PCDHGA5: variants seen among roughly 807,000 people sequenced by gnomAD.
PCDHGA5 encodes protocadherin gamma-A5.
In PCDHGA5, 36 loss-of-function variants were observed where a neutral mutation model predicts 56.7. That is an observed-to-expected ratio of 0.64 (90% CI 0.49 to 0.84). The LOEUF is 0.84. PCDHGA5 is among the 40% of genes least tolerant of loss of function. The pLI, the probability that PCDHGA5 is intolerant of heterozygous loss-of-function variation, is 0.00. For missense variants in PCDHGA5, 1,305 were observed against 1,201.5 expected, an observed-to-expected ratio of 1.09 and a Z score of -1.27; for synonymous variants, 563 against 520.2, an observed-to-expected ratio of 1.08 and a Z score of -1.12.
At chr5:141,386,334 G>A (rs1220929803) in intron 1 of PCDHGA5, among the ~76,000 whole-genome samples, 1 of 152,008 alleles carries the variant, frequency 6.6e-6, no homozygotes, top group Non-Finnish European at 1.5e-5. Context: ...ATCCAGAAGG[G>A]GTGGATGACA....
At position 141,487,636 on chromosome 5, in the gene PCDHGA5, A is replaced by G. The variant is rs780468230; in HGVS notation, c.2422-7171A>G. 3 of 1,614,192 alleles carry G rather than the reference A, an allele frequency of 1.9e-6. No homozygotes were observed. Among genetic ancestry groups the G allele is most frequent in the Non-Finnish European group, 1.7e-6 (2 of 1,180,030 alleles). Reference sequence around the variant, plus strand: ...TAGAGGTGAGACCTTTGCAGGCTCAACAAATGCTTGAGGGTTATTCTGATC... The same window carrying G: ...TAGAGGTGAGACCTTTGCAGGCTCAGCAAATGCTTGAGGGTTATTCTGATC... On this transcript the variant is annotated intron_variant, in intron 1 of 3. Transcript: ENST00000518069. This position sits in a 1 kb window ranked among gnomAD's most constrained non-coding sequence, Gnocchi z 5.0.
intron 1 of PCDHGA5, chr5:141,399,007 A>G (rs1403288140): frequency 6.2e-7 from 1 of 1,613,948 alleles, no homozygotes. Flanking sequence ...GAATTCAAAG[A>G]GCGGAGAAAT....
At chr5:141,434,392 C>T (rs906051301) in intron 1 of PCDHGA5, among the ~76,000 whole-genome samples, 4 of 152,210 alleles carry the variant, frequency 2.6e-5, no homozygotes, top group African/African-American at 9.6e-5. Context: ...TGGCCATAAA[C>T]AAAATCTCTG....
Position 141,491,436 on chromosome 5 carries a change from G to A in PCDHGA5, c.2422-3371G>A, listed in dbSNP as rs771884610. ...ACGGGGGTGGAGGGCAGTGCTGCAG[G>A]CGCCAGGACTCACCCTCCCCGGACT... On this transcript the variant is annotated intron_variant, in intron 1 of 3. Coordinates refer to ENST00000518069, the MANE Select transcript of PCDHGA5 (RefSeq NM_018918.3). This position sits in a 1 kb window ranked among gnomAD's most constrained non-coding sequence, Gnocchi z 6.9. 1 of 1,614,070 alleles carries A rather than the reference G, an allele frequency of 6.2e-7. No individual in the cohort carries two copies. The highest frequency in any genetic ancestry group is 8.5e-7 in the Non-Finnish European group (1 of 1,180,034).
chr5:141,376,437 A>C (rs375879976), intron 1 of PCDHGA5: 1 of 1,614,086 alleles, frequency 6.2e-7, no homozygotes, highest in South Asian at 1.1e-5. Flanking sequence ...CAGGAGAGCT[A>C]TGAGAAAAGC....
intron 1 of PCDHGA5, chr5:141,492,007 C>T (rs1261430567): frequency 3.0e-5 from 19 of 628,956 alleles, no homozygotes; most frequent in Non-Finnish European, 4.6e-5. Flanking sequence ...GCGATTTCCG[C>T]GGGTGTCGGG....
At position 141,419,770 on chromosome 5, in the gene PCDHGA5, G is replaced by A. The variant is rs1018272442; in HGVS notation, c.2421+53019G>A. On this transcript the variant is annotated intron_variant, in intron 1 of 3. Coordinates refer to ENST00000518069, the MANE Select transcript of PCDHGA5 (RefSeq NM_018918.3). ...TGCGTGCTTTGGGTGACAAGGACTC[G>A]GTCCGCCAGCGCCTGCTAGTCGCTG... 3.7e-6 allele frequency: 6 copies of A among 1,614,006 alleles called. No individual in the cohort carries two copies. The Admixed American group carries it at 6.7e-5, about 18-fold the overall frequency.
intron 1 of PCDHGA5, chr5:141,389,952 C>T (rs2091983675): frequency 3.1e-6 from 5 of 1,613,946 alleles, no homozygotes; most frequent in Non-Finnish European, 4.2e-6. Context: ...GCAGTTTTAC[C>T]TAGTGGTGGC....
In PCDHGA5 at chr5:141,486,047, C is replaced by T. The variant is rs763394605; in HGVS notation, c.2422-8760C>T. Reference sequence around the variant, plus strand: ...TCATACCCCTGATCGTGTAAGAAACCTCTTTAGCCTGCACCCCACTACTGG... The same window carrying T: ...TCATACCCCTGATCGTGTAAGAAACTTCTTTAGCCTGCACCCCACTACTGG... On this transcript the variant is annotated intron_variant, in intron 1 of 3. Transcript: ENST00000518069. The surrounding 1 kb of genome is among the most constrained non-coding windows in gnomAD (Gnocchi z 5.0). 2.5e-6 allele frequency: 4 copies of T among 1,614,054 alleles called. No individual in the cohort carries two copies. The African/African-American group carries it at 5.3e-5, about 22-fold the overall frequency.
At chr5:141,376,670 G>A in intron 1 of PCDHGA5, 1 of 694,802 alleles carries the variant, frequency 1.4e-6, no homozygotes, top group Non-Finnish European at 2.2e-6. Context: ...TTCAGGTGAG[G>A]GTATCGTTTT....
In PCDHGA5 at chr5:141,374,330, A is replaced by G. The variant is rs774789215; in HGVS notation, c.2421+7579A>G. Reference sequence around the variant, plus strand: ...TTTCTCTCTGAATCCGCGAAACGGCAGCTTGGTCACCGCGGGTAGGATAGA... The same window carrying G: ...TTTCTCTCTGAATCCGCGAAACGGCGGCTTGGTCACCGCGGGTAGGATAGA... On this transcript the variant is annotated intron_variant, in intron 1 of 3. Coordinates refer to ENST00000518069, the MANE Select transcript of PCDHGA5 (RefSeq NM_018918.3). 138 of 1,613,872 alleles carry G rather than the reference A, an allele frequency of 8.6e-5. No homozygotes were observed. Among genetic ancestry groups the G allele is most frequent in the Non-Finnish European group, 1.1e-4 (130 of 1,179,866 alleles).
At chr5:141,388,993 G>A (rs778336882) in intron 1 of PCDHGA5, 1 of 1,614,026 alleles carries the variant, frequency 6.2e-7, no homozygotes, top group South Asian at 1.1e-5. Flanking sequence ...CTCAAAGTCC[G>A]TGACAAGGAT....
At chr5:141,394,785 G>C in intron 1 of PCDHGA5, 2 of 1,613,722 alleles carry the variant, frequency 1.2e-6, no homozygotes, top group South Asian at 2.2e-5. Flanking sequence ...CTCCGCCACT[G>C]TCACGCTCAC....
intron 1 of PCDHGA5, chr5:141,384,771 C>A (rs568102289): frequency 1.2e-6 from 2 of 1,613,878 alleles, no homozygotes; most frequent in Non-Finnish European, 1.7e-6. Flanking sequence ...TGTACACGGG[C>A]GAGGTGCGCA....
rs771867567 is a variant in PCDHGA5 at position 141,419,867 on chromosome 5, G to A, written c.2421+53116G>A. 3.1e-6 allele frequency: 5 copies of A among 1,614,086 alleles called. No homozygotes were observed. In the South Asian group the frequency reaches 5.5e-5, roughly 18 times the overall value. On this transcript the variant is annotated intron_variant, in intron 1 of 3. Transcript: ENST00000518069. Reference sequence around the variant, plus strand: ...CCTGGTGTTCGCAGATAGCTTGCAAGAGGTACTGCCGGATTTCAGCGACCA... The same window carrying A: ...CCTGGTGTTCGCAGATAGCTTGCAAAAGGTACTGCCGGATTTCAGCGACCA...
Position 141,431,228 on chromosome 5 carries a change from GC to G in PCDHGA5, c.2422-63577del. The G allele has an allele frequency of 6.2e-7, 1 of 1,614,118 alleles. No homozygotes were observed. Among genetic ancestry groups the G allele is most frequent in the Non-Finnish European group, 8.5e-7 (1 of 1,180,030 alleles). On this transcript the variant is annotated intron_variant, in intron 1 of 3. Transcript: ENST00000518069. This position sits in a 1 kb window ranked among gnomAD's most constrained non-coding sequence, Gnocchi z 4.8. ...TGAGATGCGGTTCCCTCTACCCCAC[GC>G]CTGGGATCCGGATATCGGGAAGAAC...
rs369106233 is a variant in PCDHGA5 at position 141,370,518 on chromosome 5, G to A, written c.2421+3767G>A. 13 of 1,613,886 alleles carry A rather than the reference G, an allele frequency of 8.1e-6. No homozygotes were observed. The African/African-American group carries it at 1.7e-4, about 22-fold the overall frequency. Reference sequence around the variant, plus strand: ...CCGCTACGCTATTCCCGAGGAGCTGGACAGGGGCTCGCTGGTAGGGAACCT... The same window carrying A: ...CCGCTACGCTATTCCCGAGGAGCTGAACAGGGGCTCGCTGGTAGGGAACCT... On this transcript the variant is annotated intron_variant, in intron 1 of 3. Transcript: ENST00000518069.
rs2099747616 is a variant in PCDHGA5 at position 141,493,318 on chromosome 5, TA to T, written c.2422-1487del. 6.6e-6 allele frequency among the ~76,000 whole-genome samples: 1 copy of T among 152,234 alleles called. No homozygotes were observed. Among genetic ancestry groups the T allele is most frequent in the South Asian group, 2.1e-4 (1 of 4,828 alleles). On this transcript the variant is annotated intron_variant, in intron 1 of 3. Coordinates refer to ENST00000518069, the MANE Select transcript of PCDHGA5 (RefSeq NM_018918.3). This position sits in a 1 kb window ranked among gnomAD's most constrained non-coding sequence, Gnocchi z 4.3. ...TTCACAGAGCAAGTAAGAGAGATTC[TA>T]ACCCCTGTCTAACTCCAGAATGTGT...
At chr5:141,370,602 G>A in intron 1 of PCDHGA5, 1 of 1,613,954 alleles carries the variant, frequency 6.2e-7, no homozygotes, top group Non-Finnish European at 8.5e-7. Flanking sequence ...GCGGGTTATT[G>A]CAGAGAAGAA....
Sources: gnomAD v4.1 joint callset for allele counts (sites outside exome capture counted in the v4.1 genomes callset) on GRCh38, gnomAD v4.1.1 for gene constraint, Gnocchi (gnomAD v3.1) non-coding constraint, MANE v1.5 for transcripts, NCBI Gene and HGNC (gene_info 2026-07-23, HGNC 2026-07-21) for gene names.